CDAN1: variants seen among roughly 807,000 people sequenced by gnomAD.
The protein encoded by CDAN1 is codanin-1.
CDAN1 carries 107 observed loss-of-function variants against 139.8 expected under a neutral mutation model. The observed-to-expected ratio is 0.77, with a 90% CI of 0.65 to 0.90. The LOEUF is 0.90. Among genes scored for constraint, CDAN1 ranks in the 40% least tolerant of loss-of-function variants. The probability of loss-of-function intolerance (pLI) is 0.00; values close to 1 mark genes in which losing one functional copy is unlikely to be tolerated. For missense variants in CDAN1, 1,667 were observed against 1,575.7 expected, an observed-to-expected ratio of 1.06 and a Z score of -0.98; for synonymous variants, 776 against 660.6, an observed-to-expected ratio of 1.17 and a Z score of -2.68.
At chr15:42,732,242 G>T in intron 10 of CDAN1, 91 bp downstream of exon 10, 3 of 1,208,542 alleles carry the variant, frequency 2.5e-6, no homozygotes, top group Non-Finnish European at 3.7e-6. Context: ...GACCTGCCAG[G>T]CTGTCTGCCC....
In CDAN1 at chr15:42,730,231, G is replaced by A; in HGVS notation, c.2175-16C>T. 6.2e-7 allele frequency: 1 copy of A among 1,608,598 alleles called. No individual in the cohort carries two copies. Among genetic ancestry groups the A allele is most frequent in the Middle Eastern group, 1.7e-4 (1 of 6,054 alleles). On this transcript the variant is annotated splice_polypyrimidine_tract_variant and intron_variant, in intron 14 of 27. Transcript: ENST00000356231. ...CACCAAGCTCCTGAAACATCAATGG[G>A]CAGTACACGGGTTTGAGCAGAAAGG...
At position 42,735,668 on chromosome 15, in the gene CDAN1, A is replaced by G. The variant is rs1208580572; in HGVS notation, c.785T>C (p.Leu262Pro). Residue 262 changes from leucine (L) to proline (P), a missense_variant, in exon 4 of 28, where the codon CTG (leucine) becomes CCG (proline). Around this residue, in one of 3 missense-constraint regions of CDAN1, gnomAD observed 487 missense variants for 422.2 expected, o/e 1.15. Coordinates refer to ENST00000356231, the MANE Select transcript of CDAN1 (RefSeq NM_138477.4). Reference sequence around the variant, plus strand: ...ACAGGTGGGGGTAGGTGACTGCTGCAGCTGCTTAGAGCTATGGAATAAAGA... The same window carrying G: ...ACAGGTGGGGGTAGGTGACTGCTGCGGCTGCTTAGAGCTATGGAATAAAGA... ...EMLRKERSKQLQQSPTPTCPT... is the reference protein window; with the variant it reads ...EMLRKERSKQPQQSPTPTCPT... 1 of 1,613,888 alleles carries G rather than the reference A, an allele frequency of 6.2e-7. No individual in the cohort carries two copies. Among genetic ancestry groups the G allele is most frequent in the East Asian group, 2.2e-5 (1 of 44,896 alleles).
In CDAN1 at chr15:42,736,235, G is replaced by T. The variant is rs552437769; in HGVS notation, c.569+67C>A. 1.4e-5 allele frequency: 23 copies of T among 1,601,576 alleles called. No individual in the cohort carries two copies. The African/African-American group carries it at 2.4e-4, about 17-fold the overall frequency. On this transcript the variant is annotated intron_variant, in intron 2 of 27. Coordinates refer to ENST00000356231, the MANE Select transcript of CDAN1 (RefSeq NM_138477.4). Reference sequence around the variant, plus strand: ...TCCTGGCGCTCCACTGCGGAGCGCCGAGCTCGAATGACTGACTCCCCAGAG... The same window carrying T: ...TCCTGGCGCTCCACTGCGGAGCGCCTAGCTCGAATGACTGACTCCCCAGAG...
At chr15:42,734,743 T>C (rs2061664352) in intron 6 of CDAN1, among the ~76,000 whole-genome samples, 1 of 149,770 alleles carries the variant, frequency 6.7e-6, no homozygotes, top group Non-Finnish European at 1.5e-5. Flanking sequence ...GCCTCCTAAG[T>C]AGCTGGGATT....
rs765349616 is a variant in CDAN1 at position 42,725,451 on chromosome 15, G to C, written c.3450+38C>G. On this transcript the variant is annotated intron_variant, in intron 26 of 27. Transcript: ENST00000356231. ...GGGGCAAGGGTGGTGGATGTTCAGA[G>C]TGTGACTGCAGAGGGCTTCTTGTTC... 12 of 1,611,956 alleles carry C rather than the reference G, an allele frequency of 7.4e-6. No individual in the cohort carries two copies. The Admixed American group carries it at 2.0e-4, about 27-fold the overall frequency.
At position 42,723,759 on chromosome 15, in the gene CDAN1, T is replaced by C. The variant is rs1003283351; in HGVS notation, c.*732A>G. The C allele has an allele frequency of 2.0e-5, 3 of 153,590 alleles. No individual in the cohort carries two copies. The highest frequency in any genetic ancestry group is 7.2e-5 in the African/African-American group (3 of 41,442). 9.5% of individuals were successfully genotyped at this position (153,590 alleles called of 1,614,324 possible). On this transcript the variant is annotated 3_prime_UTR_variant, in exon 28 of 28. Coordinates refer to ENST00000356231, the MANE Select transcript of CDAN1 (RefSeq NM_138477.4). The stretch of plus-strand genomic sequence containing the variant: ...TCTCGCTCTGTTACCCAGACTGGAG[T>C]GCAGTGGTGCGACCTCGGCTCACTG...
Position 42,728,705 on chromosome 15 carries a change from G to C in CDAN1, c.2751C>G (p.Ile917Met), listed in dbSNP as rs946371123. ...EGGDPAQLLE[I>M]LCSQLCPHGA... ...CGTGAGGGCACAGCTGGGAACACAA[G>C]ATCTCCAACAGCTGGGCTGGGTCTC... The change falls in exon 20 of 28, where the codon ATC becomes ATG. Residue 917 changes from isoleucine (I) to methionine (M), a missense_variant. Around this residue, in one of 3 missense-constraint regions of CDAN1, gnomAD observed 936 missense variants for 844.1 expected, o/e 1.11. Transcript: ENST00000356231. 1.9e-6 allele frequency: 3 copies of C among 1,614,064 alleles called. No individual in the cohort carries two copies. Among genetic ancestry groups the C allele is most frequent in the African/African-American group, 2.7e-5 (2 of 74,936 alleles).
chr15:42,726,711 C>A, intron 23 of CDAN1: 1 of 491,114 alleles, frequency 2.0e-6, no homozygotes. Flanking sequence ...AACCAACTCC[C>A]ATAGGGCATC....
chr15:42,726,248 G>GT (rs1352545768), intron 24 of CDAN1, 62 bp downstream of exon 24: 1 of 1,598,380 alleles, frequency 6.3e-7, no homozygotes, highest in Non-Finnish European at 8.6e-7. Flanking sequence ...TGTGGCTCTG[G>GT]TTATCAGGTC....
Position 42,725,638 on chromosome 15 carries a change from C to T in CDAN1, c.3301G>A (p.Ala1101Thr). Residue 1101 changes from alanine to threonine, a missense_variant, in exon 26 of 28, where the codon GCA becomes ACA. Transcript: ENST00000356231. ...TGCCCTCTCTCCAGCCTGTACTGTG[C>T]CGGGGGCCCTAGGATAGGAATTTGA... ...ADQIPILGPP[A>T]QYRLERGQAR... 2 of 1,614,040 alleles carry T rather than the reference C, an allele frequency of 1.2e-6. No homozygotes were observed. The highest frequency in any genetic ancestry group is 1.7e-6 in the Non-Finnish European group (2 of 1,180,006).
intron 9 of CDAN1, 26 bp from the exon 10 acceptor site, chr15:42,732,434 G>C (rs377441556): frequency 1.8e-5 from 29 of 1,606,116 alleles, no homozygotes; most frequent in East Asian, 1.6e-4. Flanking sequence ...CAGGAATGAA[G>C]GGTGTGGAAA....
intron 11 of CDAN1, 46 bp from the exon 12 acceptor site, chr15:42,731,377 G>A (rs754227542): frequency 6.2e-7 from 1 of 1,611,258 alleles, no homozygotes. Flanking sequence ...AAGAGGTACA[G>A]GAAAAGCCAG....
chr15:42,734,969 AGAAAGATT>A, intron 6 of CDAN1, 123 bp downstream of exon 6: 1 of 730,242 alleles, frequency 1.4e-6, no homozygotes. Context: ...ACAAAATTAA[AGAAAGATT>A]ATAGGTAGGA....
intron 15 of CDAN1, 36 bp downstream of exon 15, chr15:42,730,090 TAG>T (rs747102802): frequency 1.2e-5 from 19 of 1,579,254 alleles, no homozygotes; most frequent in Admixed American, 1.7e-5. Context: ...TCTTCAGCTG[TAG>T]AACCTCTCTC....
chr15:42,728,083 CAA>C (rs1200177293), intron 21 of CDAN1, 50 bp from the exon 22 acceptor site: 1 of 1,600,412 alleles, frequency 6.2e-7, no homozygotes, highest in Admixed American at 1.7e-5. Context: ...CTGGGTGCAA[CAA>C]AGGATGCCAG....
In CDAN1 at chr15:42,725,129, C is replaced by T; in HGVS notation, c.3558+15G>A. On this transcript the variant is annotated intron_variant, in intron 27 of 27. Coordinates refer to ENST00000356231, the MANE Select transcript of CDAN1 (RefSeq NM_138477.4). ...ACCTGTTCTCTCTCCACCTAAAAGA[C>T]AGGAGACTCCTTACCCCTGGCCACT... is the stretch of plus-strand genomic sequence containing the variant. 1 of 1,592,194 alleles carries T rather than the reference C, an allele frequency of 6.3e-7. No homozygotes were observed. Among genetic ancestry groups the T allele is most frequent in the South Asian group, 1.1e-5 (1 of 90,590 alleles).
chr15:42,725,450 A>C, intron 26 of CDAN1, 39 bp downstream of exon 26: 1 of 1,612,028 alleles, frequency 6.2e-7, no homozygotes, highest in Non-Finnish European at 8.5e-7. Context: ...GGATGTTCAG[A>C]GTGTGACTGC....
intron 14 of CDAN1, 127 bp downstream of exon 14, chr15:42,730,471 G>T: frequency 8.6e-7 from 1 of 1,157,190 alleles, no homozygotes. Context: ...GCCTCTCCCA[G>T]GGCTCAGTTA....
Position 42,737,088 on chromosome 15 carries a change from CA to C in CDAN1, c.14del (p.Leu5TrpfsTer35). The C allele has an allele frequency of 2.0e-6, 3 of 1,519,854 alleles. No homozygotes were observed. The highest frequency in any genetic ancestry group is 2.6e-5 in the East Asian group (1 of 37,994). 94.1% of individuals were successfully genotyped at this position (1,519,854 alleles called of 1,614,324 possible). MAAV[L>X]ESLLREEVSV... ...ACACCTCTTCTCGCAGCAGCGACTC[CA>C]AAACGGCCGCCATCCCGGTCGGGGC... On this transcript the variant is annotated frameshift_variant, in exon 1 of 28. Transcript: ENST00000356231. LOFTEE classifies it high-confidence loss of function.
Sources: gnomAD v4.1 joint callset for allele counts (sites outside exome capture counted in the v4.1 genomes callset) on GRCh38, gnomAD v4.1.1 for gene constraint, gnomAD v4.1.1 regional missense constraint, MANE v1.5 for transcripts, NCBI Gene and HGNC (gene_info 2026-07-23, HGNC 2026-07-21) for gene names.